Variants in PITPNC1 observed in about 807,000 individuals in gnomAD.
PITPNC1 encodes the protein cytoplasmic phosphatidylinositol transfer protein 1.
Under a neutral mutation model 44.7 loss-of-function variants are expected in PITPNC1, and 18 were observed. The ratio of observed to expected loss-of-function variants is 0.40; its 90% confidence interval spans 0.28 to 0.60. The LOEUF (loss-of-function observed/expected upper bound fraction) is 0.60. Ranked by LOEUF, PITPNC1 falls within the 20% of genes least tolerant of loss-of-function variation. The pLI, the probability that PITPNC1 is intolerant of heterozygous loss-of-function variation, is 0.39. For synonymous variants in PITPNC1, 141 were observed against 149.6 expected, an observed-to-expected ratio of 0.94 and a Z score of 0.42; for missense variants, 290 against 418.4, an observed-to-expected ratio of 0.69 and a Z score of 2.68.
chr17:67,673,412 C>T (rs1233718032), intron 7 of PITPNC1, among the ~76,000 whole-genome samples: 1 of 152,128 alleles, frequency 6.6e-6, no homozygotes, highest in African/African-American at 2.4e-5. Flanking sequence ...GACACACACA[C>T]ACACACAAAT....
intron 1 of PITPNC1, among the ~76,000 whole-genome samples, chr17:67,465,584 A>G (rs1361287892): frequency 3.3e-5 from 5 of 152,108 alleles, no homozygotes; most frequent in African/African-American, 1.2e-4. Context: ...AGGATCCAGG[A>G]GCTGTCACCC....
At chr17:67,568,156 T>C (rs1309839633) in intron 4 of PITPNC1, among the ~76,000 whole-genome samples, 1 of 152,230 alleles carries the variant, frequency 6.6e-6, no homozygotes, top group East Asian at 1.9e-4. Context: ...TACAATGGAC[T>C]ATCATTCGGC....
intron 8 of PITPNC1, among the ~76,000 whole-genome samples, chr17:67,690,448 CAAA>C (rs58085156): frequency 7.1e-5 from 8 of 113,362 alleles, no homozygotes; most frequent in East Asian, 5.0e-4. Context: ...AACTCTGTCT[CAAA>C]AAAAAAAAAA....
At chr17:67,662,078 G>A (rs992617689) in intron 6 of PITPNC1, among the ~76,000 whole-genome samples, 3 of 152,146 alleles carry the variant, frequency 2.0e-5, no homozygotes, top group Middle Eastern at 3.4e-3. Context: ...AAAACCCACC[G>A]ACGCAACATA....
At chr17:67,482,553 A>G (rs1287713762) in intron 1 of PITPNC1, among the ~76,000 whole-genome samples, 2 of 152,190 alleles carry the variant, frequency 1.3e-5, no homozygotes, top group Non-Finnish European at 2.9e-5. Context: ...CAAGTGGTAG[A>G]TTTTGACCTC....
intron 1 of PITPNC1, among the ~76,000 whole-genome samples, chr17:67,481,062 C>G (rs747512768): frequency 6.6e-6 from 1 of 152,218 alleles, no homozygotes; most frequent in Non-Finnish European, 1.5e-5. Context: ...CAAAAATTAG[C>G]TGGGCGCAGT....
intron 4 of PITPNC1, among the ~76,000 whole-genome samples, chr17:67,574,785 C>T (rs2041114898): frequency 6.6e-6 from 1 of 152,000 alleles, no homozygotes; most frequent in Non-Finnish European, 1.5e-5. Context: ...TCAGACATCC[C>T]AAGGGGATTA....
intron 6 of PITPNC1, among the ~76,000 whole-genome samples, chr17:67,659,586 G>C (rs1158015988): frequency 6.6e-6 from 1 of 152,134 alleles, no homozygotes; most frequent in Non-Finnish European, 1.5e-5. Context: ...ACAAATAACA[G>C]ACCAGTCTAG....
chr17:67,556,966 T>A (rs1271012492), intron 4 of PITPNC1, among the ~76,000 whole-genome samples: 1 of 152,116 alleles, frequency 6.6e-6, no homozygotes, highest in African/African-American at 2.4e-5. Context: ...TGAGGAGGTT[T>A]CTCAGAGAAG....
Position 67,457,100 on chromosome 17 carries a change from C to T in PITPNC1, c.49-75702C>T, listed in dbSNP as rs932086344. 4 of 152,030 alleles carry T rather than the reference C, an allele frequency of 2.6e-5. No individual in the cohort carries two copies. The East Asian group carries it at 7.7e-4, about 29-fold the overall frequency. 9.4% of individuals were successfully genotyped at this position (152,030 alleles called of 1,614,324 possible). A position where few individuals can be genotyped will look rare whatever the true frequency, so the allele number is the denominator to read the frequency against. On this transcript the variant is annotated intron_variant, in intron 1 of 8. Coordinates refer to ENST00000581322, the MANE Select transcript of PITPNC1 (RefSeq NM_012417.4). ...ATCAGCACAGGAGTTTTGACTTGGG[C>T]TATCACTTCACCCCTCCTTAGGCAG...
At position 67,385,339 on chromosome 17, in the gene PITPNC1, A is replaced by C. The variant is rs151156504; in HGVS notation, c.48+7137A>C. ...CAATCAGCTCTCTGTGGCTAGCTAG[A>C]GGTTTGTAAAATGGACCAATCAGTG... On this transcript the variant is annotated intron_variant, in intron 1 of 8. Coordinates refer to ENST00000581322, the MANE Select transcript of PITPNC1 (RefSeq NM_012417.4). Among the ~76,000 whole-genome samples, 1,081 of 152,302 alleles carry C rather than the reference A, an allele frequency of 7.1e-3. 7 individuals are homozygous for C. The highest frequency in any genetic ancestry group is 0.024 in the African/African-American group (1,008 of 41,564).
intron 6 of PITPNC1, among the ~76,000 whole-genome samples, chr17:67,660,157 A>T (rs1435620368): frequency 6.6e-6 from 1 of 152,236 alleles, no homozygotes; most frequent in Non-Finnish European, 1.5e-5. Context: ...TGCTAGGATT[A>T]CAGGCATGAG....
intron 5 of PITPNC1, among the ~76,000 whole-genome samples, chr17:67,592,729 A>G (rs777734683): frequency 3.9e-5 from 6 of 152,206 alleles, no homozygotes; most frequent in Non-Finnish European, 4.4e-5. Flanking sequence ...GTGAGTTGAC[A>G]TTTCATAGGG....
intron 1 of PITPNC1, among the ~76,000 whole-genome samples, chr17:67,454,578 C>T (rs1464122904): frequency 6.6e-6 from 1 of 151,812 alleles, no homozygotes; most frequent in Non-Finnish European, 1.5e-5. Context: ...AGTTTGTGGA[C>T]CCTGCATTGG....
intron 1 of PITPNC1, among the ~76,000 whole-genome samples, chr17:67,445,007 G>GTT (rs61036060): frequency 3.8e-4 from 58 of 151,448 alleles, no homozygotes; most frequent in African/African-American, 9.7e-4. Flanking sequence ...TATATGTCTT[G>GTT]TTTTTTTTAG....
At chr17:67,519,384 C>T (rs548849122) in intron 1 of PITPNC1, among the ~76,000 whole-genome samples, 4 of 152,114 alleles carry the variant, frequency 2.6e-5, no homozygotes, top group Middle Eastern at 3.4e-3. Flanking sequence ...ACCATGTTGG[C>T]CAGGCTGTTC....
intron 5 of PITPNC1, among the ~76,000 whole-genome samples, chr17:67,619,823 A>C (rs2041808110): frequency 1.3e-5 from 2 of 149,400 alleles, no homozygotes; most frequent in South Asian, 4.2e-4. Context: ...TATTTCACCC[A>C]GCTTGTCTGC....
intron 1 of PITPNC1, among the ~76,000 whole-genome samples, chr17:67,440,580 G>A (rs548087944): frequency 2.6e-5 from 4 of 151,404 alleles, no homozygotes; most frequent in Non-Finnish European, 5.9e-5. Flanking sequence ...TGCCCAGGCT[G>A]GAGTGCAGTG....
intron 1 of PITPNC1, among the ~76,000 whole-genome samples, chr17:67,415,792 C>T (rs995782615): frequency 6.6e-6 from 1 of 151,966 alleles, no homozygotes. Context: ...TCATGTTGTA[C>T]TCTTCTTTCG....
Sources: gnomAD v4.1 joint callset for allele counts (sites outside exome capture counted in the v4.1 genomes callset) on GRCh38, gnomAD v4.1.1 for gene constraint, MANE v1.5 for transcripts, NCBI Gene and HGNC (gene_info 2026-07-23, HGNC 2026-07-21) for gene names.